PDE11A: variants seen among roughly 807,000 people sequenced by gnomAD.
PDE11A encodes the protein phosphodiesterase 11A.
A neutral mutation model predicts 100.5 loss-of-function variants in PDE11A; 100 were observed. The observed-to-expected ratio is 1.00, with a 90% CI of 0.85 to 1.18. PDE11A has a LOEUF of 1.18. PDE11A is among the 50% of genes most tolerant of loss of function. The pLI is 0.00. For missense variants in PDE11A, 1,141 were observed against 1,152.6 expected, an observed-to-expected ratio of 0.99 and a Z score of 0.15; for synonymous variants, 381 against 420.8, an observed-to-expected ratio of 0.91 and a Z score of 1.16.
chr2:177,844,792 C>T (rs1052143220), intron 5 of PDE11A, among the ~76,000 whole-genome samples: 7 of 151,314 alleles, frequency 4.6e-5, no homozygotes, highest in Middle Eastern at 6.8e-3. Context: ...CATCTTGCAC[C>T]GCCCTTAATC....
intron 9 of PDE11A, 82 bp from the exon 10 acceptor site, chr2:177,769,455 T>C: frequency 1.2e-6 from 1 of 811,328 alleles, no homozygotes; most frequent in African/African-American, 1.7e-5. Context: ...AAAATAAGCT[T>C]TGCTTATGTA....
intron 5 of PDE11A, among the ~76,000 whole-genome samples, chr2:177,858,687 G>A (rs2083887887): frequency 6.6e-6 from 1 of 152,196 alleles, no homozygotes; most frequent in African/African-American, 2.4e-5. Context: ...AGTCAGTGTG[G>A]TGATTCCTCA....
At chr2:177,746,449 C>T (rs2081949241) in intron 10 of PDE11A, among the ~76,000 whole-genome samples, 1 of 152,096 alleles carries the variant, frequency 6.6e-6, no homozygotes, top group Admixed American at 6.5e-5. Context: ...AGCCATTTCC[C>T]TAAACCAAGG....
chr2:177,645,191 C>CT (rs1476019248), intron 19 of PDE11A, among the ~76,000 whole-genome samples: 1 of 152,046 alleles, frequency 6.6e-6, no homozygotes, highest in Non-Finnish European at 1.5e-5. Context: ...CTTTTTCTTT[C>CT]TTTTTTTGTT....
intron 19 of PDE11A, among the ~76,000 whole-genome samples, chr2:177,663,362 A>C (rs1547580): frequency 0.77 from 117,377 of 151,876 alleles, 46,027 homozygotes; most frequent in East Asian, 0.89. Flanking sequence ...AACCCCCTGT[A>C]TCAGACCATG....
chr2:177,890,656 T>A (rs534042545), intron 4 of PDE11A, among the ~76,000 whole-genome samples: 96 of 152,214 alleles, frequency 6.3e-4, no homozygotes, highest in African/African-American at 2.2e-3. Flanking sequence ...AAAAGATAAA[T>A]CCATTTAGCA....
intron 11 of PDE11A, 110 bp from the exon 12 acceptor site, chr2:177,727,875 C>A: frequency 1.0e-6 from 1 of 974,834 alleles, no homozygotes; most frequent in South Asian, 1.3e-5. Flanking sequence ...AGGCCTTCCA[C>A]AAACATCTCT....
upstream of PDE11A, among the ~76,000 whole-genome samples, chr2:178,076,449 T>A (rs1035980594): frequency 6.6e-6 from 1 of 152,220 alleles, no homozygotes; most frequent in Non-Finnish European, 1.5e-5. Flanking sequence ...TCTAGTACTA[T>A]GCTTTCCACA....
At chr2:177,675,406 C>A (rs767882943) in intron 17 of PDE11A, 49 bp downstream of exon 17, 2 of 1,322,490 alleles carry the variant, frequency 1.5e-6, no homozygotes, top group Admixed American at 3.4e-5. Context: ...GTCCCCCTTA[C>A]GCCCCCCAGT....
chr2:177,700,700 GTA>G (rs764042744), intron 14 of PDE11A, among the ~76,000 whole-genome samples: 1 of 152,178 alleles, frequency 6.6e-6, no homozygotes, highest in Non-Finnish European at 1.5e-5. Context: ...CTAATGAAGT[GTA>G]ACTTTCTCAC....
chr2:177,790,882 A>C (rs1304783286), intron 9 of PDE11A, among the ~76,000 whole-genome samples: 1 of 152,204 alleles, frequency 6.6e-6, no homozygotes, highest in African/African-American at 2.4e-5. Flanking sequence ...AAAAGTCAGG[A>C]AACAACAGGT....
chr2:177,751,237 A>G (rs2082021559), intron 10 of PDE11A, among the ~76,000 whole-genome samples: 1 of 151,646 alleles, frequency 6.6e-6, no homozygotes, highest in Non-Finnish European at 1.5e-5. Flanking sequence ...TGATATGTGG[A>G]TTTGCCTGTT....
At chr2:178,029,217 A>G (rs2086515611) in intron 1 of PDE11A, among the ~76,000 whole-genome samples, 1 of 152,208 alleles carries the variant, frequency 6.6e-6, no homozygotes, top group Admixed American at 6.5e-5. Flanking sequence ...GTTTATGAAA[A>G]TTCACCAAAA....
At chr2:177,755,952 T>A (rs2082085289) in intron 10 of PDE11A, among the ~76,000 whole-genome samples, 1 of 152,164 alleles carries the variant, frequency 6.6e-6, no homozygotes. Flanking sequence ...AGCAGATGGT[T>A]TTGCAGGAGC....
chr2:177,638,378 C>T (rs1443214089), intron 19 of PDE11A, among the ~76,000 whole-genome samples: 1 of 152,062 alleles, frequency 6.6e-6, no homozygotes, highest in Non-Finnish European at 1.5e-5. Context: ...TCTTCCATGA[C>T]CCCTTAATCA....
chr2:177,997,716 C>G (rs1385531634), intron 2 of PDE11A: 2 of 1,539,904 alleles, frequency 1.3e-6, no homozygotes. Flanking sequence ...TTTGGCCCAA[C>G]TGGTGAAAAC....
At chr2:177,794,955 T>C (rs1329731919) in intron 9 of PDE11A, among the ~76,000 whole-genome samples, 2 of 152,002 alleles carry the variant, frequency 1.3e-5, no homozygotes, top group Admixed American at 6.6e-5. Flanking sequence ...CCAGCTGATT[T>C]TTTGTGTTTT....
intron 10 of PDE11A, among the ~76,000 whole-genome samples, chr2:177,730,617 T>C (rs756504797): frequency 1.3e-4 from 20 of 152,074 alleles, no homozygotes; most frequent in Non-Finnish European, 2.4e-4. Flanking sequence ...AATACCACGG[T>C]TTTCATTCTA....
intron 2 of PDE11A, among the ~76,000 whole-genome samples, chr2:178,097,623 T>C (rs10206885): frequency 0.015 from 2,337 of 152,230 alleles, 55 homozygotes; most frequent in African/African-American, 0.053. Context: ...AACCATATCA[T>C]AGAGCTACAA....
Sources: gnomAD v4.1 joint callset for allele counts (sites outside exome capture counted in the v4.1 genomes callset) on GRCh38, gnomAD v4.1.1 for gene constraint, MANE v1.5 for transcripts, NCBI Gene and HGNC (gene_info 2026-07-23, HGNC 2026-07-21) for gene names.